The following ALK variants were observed in gnomAD, a reference collection of about 807,000 sequenced individuals.
The protein encoded by ALK is ALK receptor tyrosine kinase.
In ALK, 74 loss-of-function variants were observed where a neutral mutation model predicts 163.1. The observed-to-expected ratio is 0.45, with a 90% CI of 0.38 to 0.55. ALK has a LOEUF of 0.55. Among genes scored for constraint, ALK ranks in the 20% least tolerant of loss-of-function variants. The probability of loss-of-function intolerance (pLI) is 0.00; values close to 1 mark genes in which losing one functional copy is unlikely to be tolerated. For synonymous variants in ALK, 960 were observed against 843.2 expected (o/e 1.14, Z -2.40); for missense variants, 2,063 against 2,105.3 (o/e 0.98, Z 0.39).
chr2:29,720,463 A>T (rs1421971037), intron 1 of ALK, among the ~76,000 whole-genome samples: 1 of 152,174 alleles, frequency 6.6e-6, no homozygotes, highest in Non-Finnish European at 1.5e-5. Flanking sequence ...CAGGGTCTCC[A>T]ATCTTACCCC....
At chr2:29,456,858 C>G (rs1670969915) in intron 4 of ALK, among the ~76,000 whole-genome samples, 1 of 152,120 alleles carries the variant, frequency 6.6e-6, no homozygotes, top group Non-Finnish European at 1.5e-5. Flanking sequence ...GTACTGGTTT[C>G]TTTCTTTACA....
At chr2:29,688,754 A>G (rs1678308773) in intron 3 of ALK, among the ~76,000 whole-genome samples, 2 of 152,124 alleles carry the variant, frequency 1.3e-5, no homozygotes, top group African/African-American at 4.8e-5. Context: ...CTTCTATTCC[A>G]GTTTTCTTAC....
intron 3 of ALK, among the ~76,000 whole-genome samples, chr2:29,629,222 T>C (rs10495773): frequency 0.63 from 95,119 of 152,036 alleles, 30,728 homozygotes; most frequent in Middle Eastern, 0.73. Context: ...GACAGGACCA[T>C]TGCCTATTAA....
intron 9 of ALK, among the ~76,000 whole-genome samples, chr2:29,287,453 T>G (rs1194047438): frequency 6.6e-6 from 1 of 152,144 alleles, no homozygotes; most frequent in Non-Finnish European, 1.5e-5. Flanking sequence ...TTCTTACATG[T>G]GCCAATTTTA....
At chr2:29,770,850 G>T (rs1473388195) in intron 1 of ALK, among the ~76,000 whole-genome samples, 3 of 151,774 alleles carry the variant, frequency 2.0e-5, no homozygotes, top group Non-Finnish European at 4.4e-5. Context: ...CAGACACACA[G>T]TCACACACAC....
chr2:29,318,440 A>G, intron 7 of ALK, 36 bp from the exon 8 acceptor site: 1 of 1,463,834 alleles, frequency 6.8e-7, no homozygotes, highest in Non-Finnish European at 9.6e-7. Context: ...GCACGCCATT[A>G]TCAGGAACTG....
At chr2:29,249,290 G>C (rs972432768) in intron 12 of ALK, among the ~76,000 whole-genome samples, 7 of 152,186 alleles carry the variant, frequency 4.6e-5, no homozygotes, top group Admixed American at 1.3e-4. Flanking sequence ...GGCTCCGCTG[G>C]GGGCTTACTG....
intron 3 of ALK, among the ~76,000 whole-genome samples, chr2:29,537,694 GAGACACTGGCAGCT>G (rs1006439136): frequency 3.4e-4 from 51 of 152,226 alleles, no homozygotes; most frequent in African/African-American, 1.2e-3. Flanking sequence ...AAGAATGGTA[GAGACACTGGCAGCT>G]AGACACTGGC....
chr2:29,232,307 C>T lies in ALK; in HGVS notation c.2629G>A (p.Ala877Thr), dbSNP rs746442213. The T allele has an allele frequency of 6.2e-6, 10 of 1,614,096 alleles. No homozygotes were observed. The highest frequency in any genetic ancestry group is 4.0e-5 in the African/African-American group (3 of 74,938). The change falls in exon 15 of 29, where the codon GCA becomes ACA. Residue 877 changes from alanine to threonine, a missense_variant. Coordinates refer to ENST00000389048, the MANE Select transcript of ALK (RefSeq NM_004304.5). ...GGGCACGCTTGCAGCGCTTTACCTG[C>T]GGCTCCGGAATTGCCGTTTAGCCCT... The part of the protein sequence containing the change: ...VLGLNGNSGA[A>T]GGGGGWNDNT...
intron 4 of ALK, among the ~76,000 whole-genome samples, chr2:29,400,003 G>C (rs942858931): frequency 6.6e-6 from 1 of 152,176 alleles, no homozygotes; most frequent in East Asian, 1.9e-4. Context: ...TACCAACTGA[G>C]TTAGGATAAC....
intron 5 of ALK, among the ~76,000 whole-genome samples, chr2:29,343,656 T>A (rs1667866807): frequency 6.6e-6 from 1 of 152,130 alleles, no homozygotes; most frequent in Admixed American, 6.5e-5. Flanking sequence ...CAGGGAACAA[T>A]GGAGATGAGT....
intron 3 of ALK, among the ~76,000 whole-genome samples, chr2:29,536,610 T>TA (rs1157840364): frequency 6.6e-6 from 1 of 152,162 alleles, no homozygotes; most frequent in Non-Finnish European, 1.5e-5. Flanking sequence ...TGTTTTGCTA[T>TA]AAAAATACCT....
intron 1 of ALK, among the ~76,000 whole-genome samples, chr2:29,895,368 G>A (rs1334219588): frequency 6.6e-6 from 1 of 152,176 alleles, no homozygotes; most frequent in Non-Finnish European, 1.5e-5. Context: ...AGTGAACAAA[G>A]GTTAAAACAC....
intron 3 of ALK, among the ~76,000 whole-genome samples, chr2:29,622,982 T>C (rs1443266440): frequency 6.6e-6 from 1 of 152,234 alleles, no homozygotes; most frequent in Non-Finnish European, 1.5e-5. Flanking sequence ...GCAACCCCAA[T>C]GTGAGACGCG....
At chr2:29,618,693 A>G (rs1295012829) in intron 3 of ALK, among the ~76,000 whole-genome samples, 1 of 152,144 alleles carries the variant, frequency 6.6e-6, no homozygotes, top group African/African-American at 2.4e-5. Context: ...AAAAATAAAA[A>G]CACTTGGCCA....
intron 5 of ALK, among the ~76,000 whole-genome samples, chr2:29,342,228 G>A (rs530829702): frequency 1.3e-5 from 2 of 152,300 alleles, no homozygotes; most frequent in South Asian, 4.1e-4. Context: ...TGGTGTGGCT[G>A]ATATGGAAAA....
chr2:29,623,164 T>G (rs1012288438), intron 3 of ALK, among the ~76,000 whole-genome samples: 11 of 152,210 alleles, frequency 7.2e-5, no homozygotes, highest in African/African-American at 2.7e-4. Flanking sequence ...AGGTGTATCA[T>G]GGGCAATGTT....
At chr2:29,494,968 A>G (rs139726430) in intron 4 of ALK, among the ~76,000 whole-genome samples, 77 of 152,240 alleles carry the variant, frequency 5.1e-4, no homozygotes, top group African/African-American at 1.8e-3. Flanking sequence ...TTATTCATTC[A>G]AAACATAGAT....
intron 4 of ALK, among the ~76,000 whole-genome samples, chr2:29,385,120 T>A (rs772365324): frequency 2.0e-3 from 43 of 21,798 alleles, no homozygotes; most frequent in Non-Finnish European, 3.9e-3. Flanking sequence ...ATATTTCACA[T>A]TTTTTTTTTT....
Sources: allele counts gnomAD v4.1 joint callset (sites outside exome capture counted in the v4.1 genomes callset), GRCh38; gene constraint gnomAD v4.1.1; transcripts MANE v1.5; gene names NCBI Gene and HGNC (gene_info 2026-07-23, HGNC 2026-07-21).